PRDM10: variants seen among roughly 807,000 people sequenced by gnomAD.
PRDM10 encodes the protein PR domain zinc finger protein 10.
A neutral mutation model predicts 133.1 loss-of-function variants in PRDM10; 65 were observed. The observed-to-expected ratio is 0.49, with a 90% CI of 0.40 to 0.60. The LOEUF (loss-of-function observed/expected upper bound fraction) is 0.60, where lower values mean the gene tolerates loss of function less well. PRDM10 is among the 20% of genes least tolerant of loss of function. The probability of loss-of-function intolerance (pLI) is 0.00; values close to 1 mark genes in which losing one functional copy is unlikely to be tolerated. For missense variants in PRDM10, 1,137 were observed against 1,507.1 expected (o/e 0.75, Z 4.07); for synonymous variants, 582 against 580.4 (o/e 1.00, Z -0.04).
intron 1 of PRDM10, among the ~76,000 whole-genome samples, chr11:129,997,259 G>T (rs531862810): frequency 6.6e-6 from 1 of 152,132 alleles, no homozygotes. Flanking sequence ...TGGGTGGATC[G>T]CTTGAGCCAC....
At chr11:129,970,849 CTT>C (rs1374554519) in intron 1 of PRDM10, among the ~76,000 whole-genome samples, 1 of 152,102 alleles carries the variant, frequency 6.6e-6, no homozygotes, top group African/African-American at 2.4e-5. Flanking sequence ...CCCGACCCCC[CTT>C]CTTTTTTAAG....
chr11:129,920,503 C>T (rs1357682845), intron 13 of PRDM10, among the ~76,000 whole-genome samples: 2 of 152,154 alleles, frequency 1.3e-5, no homozygotes, highest in East Asian at 1.9e-4. Context: ...CCCACTGCCT[C>T]GGCCTGAATT....
At chr11:129,987,980 G>T (rs970218250) in intron 1 of PRDM10, among the ~76,000 whole-genome samples, 1 of 152,118 alleles carries the variant, frequency 6.6e-6, no homozygotes, top group Non-Finnish European at 1.5e-5. Flanking sequence ...TGGCCTGGGC[G>T]AAAGAGTGAA....
chr11:130,001,005 G>C (rs1458809159), intron 1 of PRDM10, among the ~76,000 whole-genome samples: 1 of 152,140 alleles, frequency 6.6e-6, no homozygotes, highest in Non-Finnish European at 1.5e-5. Flanking sequence ...TACTAGGGAG[G>C]CTGAAGCAGG....
intron 1 of PRDM10, among the ~76,000 whole-genome samples, chr11:129,987,637 A>G (rs937965737): frequency 2.0e-5 from 3 of 151,808 alleles, no homozygotes; most frequent in African/African-American, 7.3e-5. Flanking sequence ...GAAACGATCC[A>G]AATACTCATC....
chr11:129,931,563 T>TTTA (rs1265366216), intron 10 of PRDM10, among the ~76,000 whole-genome samples: 89 of 127,308 alleles, frequency 7.0e-4, no homozygotes, highest in African/African-American at 2.7e-3. Context: ...TTATTTTTAT[T>TTTA]TTATTTTATT....
At chr11:129,922,177 TGG>T (rs1950540512) in intron 13 of PRDM10, among the ~76,000 whole-genome samples, 1 of 152,220 alleles carries the variant, frequency 6.6e-6, no homozygotes, top group Admixed American at 6.5e-5. Context: ...TTGAATATAC[TGG>T]GTGAAAGTAA....
intron 20 of PRDM10, among the ~76,000 whole-genome samples, chr11:129,904,573 C>T (rs1360007608): frequency 6.6e-6 from 1 of 152,288 alleles, no homozygotes; most frequent in Middle Eastern, 3.4e-3. Flanking sequence ...GATCTCGGCT[C>T]ACTGCAACCT....
At chr11:129,980,531 T>C (rs972391044) in intron 1 of PRDM10, among the ~76,000 whole-genome samples, 19 of 152,112 alleles carry the variant, frequency 1.2e-4, no homozygotes, top group African/African-American at 4.1e-4. Flanking sequence ...CCCAACCCCT[T>C]GTCCATGGAA....
intron 19 of PRDM10, among the ~76,000 whole-genome samples, chr11:129,907,283 A>C (rs781657899): frequency 1.4e-4 from 21 of 152,226 alleles, no homozygotes; most frequent in South Asian, 4.1e-4. Context: ...GGAAAACAGC[A>C]CAAATGACCC....
intron 11 of PRDM10, 31 bp from the exon 12 acceptor site, chr11:129,925,260 G>C (rs1257150567): frequency 6.4e-7 from 1 of 1,556,602 alleles, no homozygotes; most frequent in East Asian, 2.2e-5. Flanking sequence ...TGATCATTTA[G>C]TGATGAAATT....
chr11:129,910,700 A>G, intron 18 of PRDM10, 44 bp from the exon 19 acceptor site: 2 of 1,425,370 alleles, frequency 1.4e-6, no homozygotes, highest in Non-Finnish European at 1.9e-6. Context: ...ACGAGCTTCT[A>G]ATATAGTGAA....
intron 17 of PRDM10, 44 bp from the exon 18 acceptor site, chr11:129,912,269 T>C (rs759416599): frequency 9.8e-6 from 14 of 1,432,946 alleles, no homozygotes; most frequent in South Asian, 2.7e-5. Context: ...CATATATTGA[T>C]TGAAGTTAAG....
chr11:129,988,843 A>G (rs367911041), intron 1 of PRDM10, among the ~76,000 whole-genome samples: 1 of 151,690 alleles, frequency 6.6e-6, no homozygotes, highest in East Asian at 2.0e-4. Flanking sequence ...GTTAGCCAGG[A>G]TGGTCTCGAT....
Position 129,923,176 on chromosome 11 carries a change from GGCATTTACCCTCAGCTT to G in PRDM10, c.2034+55_2034+71del, listed in dbSNP as rs1950565261. ...GGGTGATAAACTGATGAAATGAACA[GGCATTTACCCTCAGCTT>G]GCTATAATTCCAGTGGCCACGAGAA... On this transcript the variant is annotated intron_variant, in intron 13 of 20. Coordinates refer to ENST00000360871, the MANE Select transcript of PRDM10 (RefSeq NM_199437.2). The surrounding 1 kb of genome is among the most constrained non-coding windows in gnomAD (Gnocchi z 4.4). 6.9e-7 allele frequency: 1 copy of G among 1,457,208 alleles called. No homozygotes were observed. The highest frequency in any genetic ancestry group is 2.4e-5 in the Admixed American group (1 of 41,770). 90.3% of individuals were successfully genotyped at this position (1,457,208 alleles called of 1,614,324 possible).
In PRDM10 at chr11:129,931,120, G is replaced by A; in HGVS notation, c.1426C>T (p.Pro476Ser). The change falls in exon 11 of 21, where the codon CCA becomes TCA. Residue 476 changes from proline (P) to serine (S), a missense_variant. Around this residue, in one of 6 missense-constraint regions of PRDM10, gnomAD observed 635 missense variants for 835.2 expected, o/e 0.76. Coordinates refer to ENST00000360871, the MANE Select transcript of PRDM10 (RefSeq NM_199437.2). ...QETQSSLEHE[P>S]ETHTLHLQPQ... The stretch of plus-strand genomic sequence containing the variant: ...TGCAGGTGCAGGGTGTGAGTTTCTG[G>A]TTCATGTTCCAGGGAAGACTGGGTT... 6.2e-7 allele frequency: 1 copy of A among 1,614,218 alleles called. No homozygotes were observed. The highest frequency in any genetic ancestry group is 8.5e-7 in the Non-Finnish European group (1 of 1,180,030).
intron 17 of PRDM10, among the ~76,000 whole-genome samples, chr11:129,912,589 A>C (rs1323577866): frequency 6.6e-6 from 1 of 151,604 alleles, no homozygotes; most frequent in Non-Finnish European, 1.5e-5. Context: ...GTCTCTACTG[A>C]AAATACAAAA....
At chr11:129,941,123 T>A (rs376484290) in intron 7 of PRDM10, among the ~76,000 whole-genome samples, 5 of 152,166 alleles carry the variant, frequency 3.3e-5, no homozygotes, top group African/African-American at 1.2e-4. Context: ...TTGAACAAAA[T>A]CCAGGATTCT....
At chr11:129,963,021 C>T (rs1951826008) in intron 1 of PRDM10, among the ~76,000 whole-genome samples, 1 of 151,826 alleles carries the variant, frequency 6.6e-6, no homozygotes, top group East Asian at 1.9e-4. Flanking sequence ...TGGTGGTGTG[C>T]ACCTGTGGTC....
Sources: allele counts gnomAD v4.1 joint callset (sites outside exome capture counted in the v4.1 genomes callset), GRCh38; gene constraint gnomAD v4.1.1; regional missense constraint gnomAD v4.1.1; non-coding constraint Gnocchi (gnomAD v3.1); transcripts MANE v1.5; gene names NCBI Gene and HGNC (gene_info 2026-07-23, HGNC 2026-07-21).